Variants in SUGCT observed in about 807,000 individuals in gnomAD.
The protein encoded by SUGCT is succinyl-CoA:glutarate CoA-transferase.
SUGCT carries 41 observed loss-of-function variants against 55.0 expected under a neutral mutation model. The ratio of observed to expected loss-of-function variants is 0.74; its 90% CI spans 0.58 to 0.97. SUGCT has a LOEUF of 0.97. Ranked by LOEUF, SUGCT falls within the 50% of genes least tolerant of loss-of-function variation. The pLI is 0.00. For missense variants in SUGCT, 568 were observed against 547.8 expected, an observed-to-expected ratio of 1.04 and a Z score of -0.37; for synonymous variants, 187 against 200.4, an observed-to-expected ratio of 0.93 and a Z score of 0.56.
At chr7:40,722,917 C>T (rs924037432) in intron 12 of SUGCT, among the ~76,000 whole-genome samples, 11 of 152,090 alleles carry the variant, frequency 7.2e-5, no homozygotes, top group African/African-American at 2.7e-4. Flanking sequence ...AACATCTGTA[C>T]TCTCAAGTTA....
At chr7:40,544,340 C>T (rs976060880) in intron 12 of SUGCT, among the ~76,000 whole-genome samples, 15 of 152,020 alleles carry the variant, frequency 9.9e-5, no homozygotes, top group African/African-American at 3.4e-4. Flanking sequence ...CTCACTGTGC[C>T]GCAAGTGGGT....
At chr7:40,679,551 T>A (rs1388249605) in intron 12 of SUGCT, among the ~76,000 whole-genome samples, 1 of 152,184 alleles carries the variant, frequency 6.6e-6, no homozygotes, top group Non-Finnish European at 1.5e-5. Flanking sequence ...CAAGAGCCTC[T>A]ATTTATAATA....
intron 13 of SUGCT, among the ~76,000 whole-genome samples, chr7:40,823,113 G>A (rs1166929438): frequency 6.6e-6 from 1 of 152,102 alleles, no homozygotes; most frequent in Non-Finnish European, 1.5e-5. Flanking sequence ...TTTTGCATCA[G>A]TAAATATTTG....
chr7:40,682,798 G>A (rs755606037), intron 12 of SUGCT, among the ~76,000 whole-genome samples: 11 of 148,956 alleles, frequency 7.4e-5, no homozygotes, highest in Non-Finnish European at 1.5e-4. Flanking sequence ...GATTTACATA[G>A]CTTGAACAGA....
At chr7:40,940,846 A>G in the SUGCT span, among the ~76,000 whole-genome samples, 5 of 152,048 alleles carry the variant, frequency 3.3e-5, no homozygotes, top group African/African-American at 1.2e-4. Context: ...CTCTTTCCCA[A>G]TTTGGATGCC....
intron 6 of SUGCT, among the ~76,000 whole-genome samples, chr7:40,226,194 G>A (rs1181340251): frequency 6.6e-6 from 1 of 152,148 alleles, no homozygotes; most frequent in East Asian, 1.9e-4. Flanking sequence ...GTAACTATCT[G>A]TAGGTTGGAG....
chr7:40,494,231 C>T (rs1438175176), intron 11 of SUGCT, among the ~76,000 whole-genome samples: 2 of 152,166 alleles, frequency 1.3e-5, no homozygotes. Context: ...ATTCTGTTGT[C>T]TTGAAAATTT....
chr7:40,793,630 T>A lies in SUGCT; in HGVS notation c.1153+44133T>A, dbSNP rs150892542. 5.3e-5 allele frequency among the ~76,000 whole-genome samples: 8 copies of A among 152,244 alleles called. No individual in the cohort carries two copies. In the East Asian group the frequency reaches 1.4e-3, roughly 26 times the overall value. ...ACTAAAAATGTAAGATGTATCTAGG[T>A]ATGGATTTATTTATATTTTTATTAT... On this transcript the variant is annotated intron_variant, in intron 13 of 13. Coordinates refer to ENST00000335693, the MANE Select transcript of SUGCT (RefSeq NM_001193313.2).
At chr7:40,651,789 C>G (rs113773776) in intron 12 of SUGCT, among the ~76,000 whole-genome samples, 3 of 151,924 alleles carry the variant, frequency 2.0e-5, no homozygotes, top group Non-Finnish European at 4.4e-5. Context: ...TCTTTGTATT[C>G]TAAGGAAACT....
At chr7:40,780,775 C>CTTTTTTT (rs34455435) in intron 13 of SUGCT, among the ~76,000 whole-genome samples, 1 of 134,810 alleles carries the variant, frequency 7.4e-6, no homozygotes, top group Non-Finnish European at 1.6e-5. Context: ...TCTTCTTCTT[C>CTTTTTTT]TTTTTTTTTT....
chr7:40,497,393 A>G lies in SUGCT; in HGVS notation c.1089+1007A>G, dbSNP rs1396721506. On this transcript the variant is annotated intron_variant, in intron 12 of 13. Coordinates refer to ENST00000335693, the MANE Select transcript of SUGCT (RefSeq NM_001193313.2). ...TTAATGGTTACTACATTTACTGGAG[A>G]AAAAAAGTGAATGAATTCAGGAATT... is the stretch of plus-strand genomic sequence containing the variant. 2.0e-5 allele frequency among the ~76,000 whole-genome samples: 3 copies of G among 152,188 alleles called. No homozygotes were observed. The East Asian group carries it at 5.8e-4, about 29-fold the overall frequency.
At chr7:40,729,548 G>T (rs1460988048) in intron 12 of SUGCT, among the ~76,000 whole-genome samples, 2 of 152,192 alleles carry the variant, frequency 1.3e-5, no homozygotes, top group Admixed American at 6.5e-5. Context: ...AAATCAAGGA[G>T]ATTTTTTGAA....
chr7:40,371,935 A>C (rs1446115530), intron 9 of SUGCT, among the ~76,000 whole-genome samples: 1 of 148,668 alleles, frequency 6.7e-6, no homozygotes, highest in East Asian at 2.2e-4. Context: ...ATGTATGTAT[A>C]TACATCTCGA....
intron 12 of SUGCT, among the ~76,000 whole-genome samples, chr7:40,663,401 T>A (rs1044919141): frequency 4.6e-5 from 7 of 152,114 alleles, no homozygotes; most frequent in African/African-American, 7.2e-5. Flanking sequence ...TGTATTTCTT[T>A]CTCTCGTTGG....
the SUGCT span, among the ~76,000 whole-genome samples, chr7:40,875,819 A>C: frequency 6.6e-6 from 1 of 152,158 alleles, no homozygotes; most frequent in Admixed American, 6.6e-5. Flanking sequence ...TGAGCATGGG[A>C]CCTAATTCTG....
intron 3 of SUGCT, among the ~76,000 whole-genome samples, chr7:40,182,520 C>CTAGG (rs1465966103): frequency 2.0e-5 from 3 of 150,500 alleles, no homozygotes; most frequent in African/African-American, 7.4e-5. Context: ...CAAGGTCATG[C>CTAGG]CACTGCACTC....
At chr7:40,790,143 T>A (rs1790234523) in intron 13 of SUGCT, among the ~76,000 whole-genome samples, 1 of 152,186 alleles carries the variant, frequency 6.6e-6, no homozygotes, top group South Asian at 2.1e-4. Flanking sequence ...GTAGTTCCCA[T>A]AATCCCCATG....
chr7:40,532,825 A>G (rs1026294337), intron 12 of SUGCT, among the ~76,000 whole-genome samples: 2 of 152,146 alleles, frequency 1.3e-5, no homozygotes, highest in African/African-American at 4.8e-5. Flanking sequence ...CCTGTAAATT[A>G]ATGTTTCGTA....
chr7:40,649,682 G>A (rs1800682633), intron 12 of SUGCT, among the ~76,000 whole-genome samples: 1 of 152,126 alleles, frequency 6.6e-6, no homozygotes, highest in Admixed American at 6.5e-5. Flanking sequence ...AGACATAATG[G>A]TATTAATATG....
Sources: gnomAD v4.1 joint callset for allele counts (sites outside exome capture counted in the v4.1 genomes callset) on GRCh38, gnomAD v4.1.1 for gene constraint, MANE v1.5 for transcripts, NCBI Gene and HGNC (gene_info 2026-07-23, HGNC 2026-07-21) for gene names.